MEGF6: variants seen among roughly 807,000 people sequenced by gnomAD.
MEGF6 encodes multiple EGF like domains 6.
MEGF6 carries 184 observed loss-of-function variants against 207.1 expected under a neutral mutation model. The observed-to-expected ratio is 0.89, with a 90% confidence interval of 0.79 to 1.00. The LOEUF is 1.00. Among genes scored for constraint, MEGF6 ranks in the 50% least tolerant of loss-of-function variants. MEGF6 has a pLI of 0.00. For missense variants in MEGF6, 2,282 were observed against 2,202.9 expected (o/e 1.04, Z -0.72); for synonymous variants, 1,038 against 910.0 (o/e 1.14, Z -2.53).
At chr1:3,516,145 T>C (rs1641534413) in intron 5 of MEGF6, among the ~76,000 whole-genome samples, 1 of 152,234 alleles carries the variant, frequency 6.6e-6, no homozygotes, top group Admixed American at 6.5e-5. Context: ...CATTCCTTCA[T>C]GCACATTCCT....
chr1:3,508,003 GGTTTAGAAGCA>G (rs1022980779), intron 13 of MEGF6, 80 bp from the exon 14 acceptor site: 2 of 1,515,126 alleles, frequency 1.3e-6, no homozygotes, highest in African/African-American at 2.8e-5. Context: ...TGGAGGCTTG[GGTTTAGAAGCA>G]GTTGCCTAGA....
At chr1:3,528,635 G>A (rs544647863) in intron 4 of MEGF6, among the ~76,000 whole-genome samples, 2 of 152,312 alleles carry the variant, frequency 1.3e-5, no homozygotes, top group Non-Finnish European at 2.9e-5. Flanking sequence ...GAGGGTCAGA[G>A]GGCGGGGAGG....
chr1:3,514,739 C>A (rs1641478940), intron 6 of MEGF6, 67 bp from the exon 7 acceptor site: 5 of 1,474,532 alleles, frequency 3.4e-6, no homozygotes, highest in Non-Finnish European at 4.5e-6. Context: ...GCGCCTGCCC[C>A]CAGGCTTCTT....
chr1:3,501,952 G>T (rs373654270), intron 17 of MEGF6, 31 bp from the exon 18 acceptor site: 4 of 1,476,522 alleles, frequency 2.7e-6, no homozygotes, highest in Non-Finnish European at 3.6e-6. Flanking sequence ...GGCCTTAGCC[G>T]CACCACGTGG....
At chr1:3,598,020 T>G (rs1470458028) in intron 2 of MEGF6, among the ~76,000 whole-genome samples, 1 of 151,816 alleles carries the variant, frequency 6.6e-6, no homozygotes, top group African/African-American at 2.4e-5. Flanking sequence ...CAGAGAGACA[T>G]AGAAAGAGAA....
At chr1:3,567,986 G>GCTGTGGGACAGGCACTGCCA (rs1557782268) in intron 4 of MEGF6, among the ~76,000 whole-genome samples, 98 of 152,120 alleles carry the variant, frequency 6.4e-4, no homozygotes, top group African/African-American at 2.3e-3. Flanking sequence ...AGGCACTGCC[G>GCTGTGGGACAGGCACTGCCA]TGCTGTGGGA....
At chr1:3,524,322 C>T (rs1016597012) in intron 4 of MEGF6, 76 bp from the exon 5 acceptor site, 41 of 1,561,396 alleles carry the variant, frequency 2.6e-5, no homozygotes, top group Middle Eastern at 3.5e-4. Context: ...CCCCAGGTGC[C>T]GGGGGCCCAG....
At chr1:3,492,491 G>A (rs1640413434) in intron 35 of MEGF6, 148 bp downstream of exon 35, 1 of 1,103,358 alleles carries the variant, frequency 9.1e-7, no homozygotes. Context: ...GTACCGGGTG[G>A]GGACAGATGA....
chr1:3,500,498 G>C (rs1640809553), intron 21 of MEGF6, 135 bp downstream of exon 21: 2 of 1,293,162 alleles, frequency 1.5e-6, no homozygotes, highest in Non-Finnish European at 2.1e-6. Context: ...CGCACAGGAG[G>C]GGGCGCGGCC....
Position 3,488,528 on chromosome 1 carries a change from T to A in MEGF6, c.*2000A>T, listed in dbSNP as rs887544182. On this transcript the variant is annotated 3_prime_UTR_variant, in exon 37 of 37. Transcript: ENST00000356575. ...TTCTTTCTCTTCTGGCTGGAGAACGTCTCTAAGAGCATTTTAAAATCAGGC... is the reference window on the plus strand; with the variant it reads ...TTCTTTCTCTTCTGGCTGGAGAACGACTCTAAGAGCATTTTAAAATCAGGC... 2.0e-5 allele frequency among the ~76,000 whole-genome samples: 3 copies of A among 152,232 alleles called. No homozygotes were observed. Among genetic ancestry groups the A allele is most frequent in the Admixed American group, 2.0e-4 (3 of 15,278 alleles).
intron 3 of MEGF6, 47 bp from the exon 4 acceptor site, chr1:3,579,976 G>T: frequency 7.3e-7 from 1 of 1,369,268 alleles, no homozygotes; most frequent in Non-Finnish European, 9.8e-7. Context: ...GGAGGGGTGA[G>T]GCAGGGGGAG....
At chr1:3,557,045 T>C (rs1431431105) in intron 4 of MEGF6, among the ~76,000 whole-genome samples, 2 of 152,086 alleles carry the variant, frequency 1.3e-5, no homozygotes, top group Non-Finnish European at 2.9e-5. Context: ...GGCAAGGACA[T>C]CGCAGCAGCC....
At chr1:3,534,074 G>A (rs750252149) in intron 4 of MEGF6, among the ~76,000 whole-genome samples, 6 of 152,148 alleles carry the variant, frequency 3.9e-5, no homozygotes, top group South Asian at 2.1e-4. Flanking sequence ...GCCGCTGCGC[G>A]AGGCCCCAAG....
intron 4 of MEGF6, among the ~76,000 whole-genome samples, chr1:3,543,183 C>A (rs1257109908): frequency 6.6e-6 from 1 of 152,126 alleles, no homozygotes; most frequent in Non-Finnish European, 1.5e-5. Flanking sequence ...GCCGGGGCAC[C>A]CTGAGGCCAG....
rs765495301 is a variant in MEGF6 at position 3,512,098 on chromosome 1, T to C, written c.884A>G (p.Gln295Arg). The change falls in exon 8 of 37, where the codon CAG becomes CGG. Residue 295 changes from glutamine (Q) to arginine (R), a missense_variant. Physicochemically the swap from Gln to Arg is conservative, Grantham distance 43. Coordinates refer to ENST00000356575, the MANE Select transcript of MEGF6 (RefSeq NM_001409.4). ...DVDECAAGLA[Q>R]CAHGCLNTQG... Reference sequence around the variant, plus strand: ...GGTGTTGAGGCAGCCATGGGCACACTGGGCCAGCCCTGCGGCACATTCGTC... The same window carrying C: ...GGTGTTGAGGCAGCCATGGGCACACCGGGCCAGCCCTGCGGCACATTCGTC... 5 of 1,611,054 alleles carry C rather than the reference T, an allele frequency of 3.1e-6. No homozygotes were observed. The South Asian group carries it at 5.5e-5, about 18-fold the overall frequency.
chr1:3,538,587 T>A (rs1390472086), intron 4 of MEGF6, among the ~76,000 whole-genome samples: 1 of 151,934 alleles, frequency 6.6e-6, no homozygotes, highest in East Asian at 1.9e-4. Context: ...GATGGAGTGG[T>A]CCTGTCTCCT....
chr1:3,606,443 C>G (rs928113746), intron 1 of MEGF6, among the ~76,000 whole-genome samples: 3 of 152,204 alleles, frequency 2.0e-5, no homozygotes, highest in African/African-American at 7.2e-5. Flanking sequence ...AATCTCAGCT[C>G]CCCACGCCCC....
At chr1:3,612,544 C>A (rs749541172), upstream of MEGF6, among the ~76,000 whole-genome samples, 1 of 152,252 alleles carries the variant, frequency 6.6e-6, no homozygotes, top group African/African-American at 2.4e-5. Flanking sequence ...TGGGTGAGAC[C>A]GGATGGGGGC....
intron 4 of MEGF6, among the ~76,000 whole-genome samples, chr1:3,561,861 G>T (rs540633739): frequency 6.6e-6 from 1 of 152,236 alleles, no homozygotes; most frequent in Non-Finnish European, 1.5e-5. Flanking sequence ...CCTCCAAAAC[G>T]TGGGAGGGGG....
Sources: gnomAD v4.1 joint callset for allele counts (sites outside exome capture counted in the v4.1 genomes callset) on GRCh38, gnomAD v4.1.1 for gene constraint, MANE v1.5 for transcripts, NCBI Gene and HGNC (gene_info 2026-07-23, HGNC 2026-07-21) for gene names.